The following IARS2 variants were observed in gnomAD, a reference collection of about 807,000 sequenced individuals.
IARS2 encodes isoleucyl-tRNA synthetase 2, mitochondrial.
In IARS2, 56 loss-of-function variants were observed where a neutral mutation model predicts 126.3. The observed-to-expected ratio is 0.44, with a 90% confidence interval of 0.36 to 0.55. IARS2 has a LOEUF of 0.55. IARS2 is among the 20% of genes least tolerant of loss of function. The pLI, the probability that IARS2 is intolerant of heterozygous loss-of-function variation, is 0.00. For synonymous variants in IARS2, 407 were observed against 441.1 expected, an observed-to-expected ratio of 0.92 and a Z score of 0.97; for missense variants, 1,127 against 1,245.9, an observed-to-expected ratio of 0.90 and a Z score of 1.44.
intron 20 of IARS2, 61 bp downstream of exon 20, chr1:220,142,009 A>G: frequency 2.0e-6 from 3 of 1,493,770 alleles, no homozygotes; most frequent in Non-Finnish European, 2.8e-6. Flanking sequence ...TGCAACTTCT[A>G]CTTCTATCTG....
intron 21 of IARS2, chr1:220,144,243 CA>C: frequency 1.3e-6 from 1 of 767,750 alleles, no homozygotes; most frequent in South Asian, 1.3e-5. Flanking sequence ...CGGTGAGAAA[CA>C]GGATGATGAC....
intron 12 of IARS2, among the ~76,000 whole-genome samples, chr1:220,123,594 C>T (rs1170586718): frequency 2.0e-5 from 3 of 152,194 alleles, no homozygotes; most frequent in Non-Finnish European, 1.5e-5. Flanking sequence ...CTGCCTCAGC[C>T]TCCCAGGTAG....
intron 12 of IARS2, among the ~76,000 whole-genome samples, chr1:220,115,177 A>AT (rs1207629610): frequency 1.3e-5 from 2 of 152,058 alleles, no homozygotes; most frequent in South Asian, 2.1e-4. Flanking sequence ...CTGTGCCTAG[A>AT]TTTTTTTCAC....
intron 21 of IARS2, chr1:220,144,399 T>G: frequency 1.8e-6 from 1 of 569,150 alleles, no homozygotes; most frequent in East Asian, 2.8e-5. Context: ...AAAAGTTTTA[T>G]TAGTGTCAGT....
Position 220,096,092 on chromosome 1 carries a change from TTTTTA to T in IARS2, c.268-11_268-7del. On this transcript the variant is annotated splice_region_variant and splice_polypyrimidine_tract_variant and intron_variant, in intron 1 of 22. Transcript: ENST00000366922. ...ATATGATGTTTAGATATCTTTTTTT[TTTTTA>T]AAACAGAAATGTGGATTTTCAGAAC... is the stretch of plus-strand genomic sequence containing the variant. The T allele has an allele frequency of 2.2e-6, 3 of 1,387,164 alleles. No individual in the cohort carries two copies. Among genetic ancestry groups the T allele is most frequent in the Non-Finnish European group, 3.0e-6 (3 of 994,360 alleles). 85.9% of individuals were successfully genotyped at this position (1,387,164 alleles called of 1,614,324 possible).
intron 15 of IARS2, among the ~76,000 whole-genome samples, chr1:220,135,302 A>G (rs1201150919): frequency 2.6e-5 from 4 of 152,204 alleles, no homozygotes; most frequent in African/African-American, 4.8e-5. Flanking sequence ...AAGATTCCTA[A>G]ATAGCTTAGC....
intron 10 of IARS2, 151 bp from the exon 11 acceptor site, chr1:220,110,635 A>T (rs1656780912): frequency 3.2e-6 from 2 of 626,200 alleles, no homozygotes; most frequent in East Asian, 5.5e-5. Flanking sequence ...AAGTGCTGGG[A>T]TTACAGGTGT....
Position 220,094,197 on chromosome 1 carries a change from C to T in IARS2, c.-20C>T. Reference sequence around the variant, plus strand: ...GCTGGGGCGGGAGCGGAGGACCCCGCTCTCAGGGGTTGCCGGACCATGCGT... The same window carrying T: ...GCTGGGGCGGGAGCGGAGGACCCCGTTCTCAGGGGTTGCCGGACCATGCGT... On this transcript the variant is annotated 5_prime_UTR_variant, in exon 1 of 23. Coordinates refer to ENST00000366922, the MANE Select transcript of IARS2 (RefSeq NM_018060.4). The T allele has an allele frequency of 3.2e-6, 5 of 1,539,242 alleles. No homozygotes were observed. Among genetic ancestry groups the T allele is most frequent in the South Asian group, 1.2e-5 (1 of 80,114 alleles).
intron 22 of IARS2, among the ~76,000 whole-genome samples, chr1:220,147,082 T>A (rs1258624890): frequency 1.3e-5 from 2 of 152,238 alleles, no homozygotes; most frequent in Non-Finnish European, 2.9e-5. Context: ...TGGTTCCTTT[T>A]GTCCCACGAG....
rs770464072 is a variant in IARS2 at position 220,094,238 on chromosome 1, C to T, written c.22C>T (p.Arg8Cys). MRWGLRP[R>C]GPGAAALATA... ...GACCATGCGTTGGGGGCTGCGCCCTCGCGGGCCGGGCGCGGCCGCCCTGGC... is the reference window on the plus strand; with the variant it reads ...GACCATGCGTTGGGGGCTGCGCCCTTGCGGGCCGGGCGCGGCCGCCCTGGC... The change falls in exon 1 of 23, where the codon CGC becomes TGC. Residue 8 changes from arginine (R) to cysteine (C), a missense_variant. Transcript: ENST00000366922. 1 of 1,594,040 alleles carries T rather than the reference C, an allele frequency of 6.3e-7. No individual in the cohort carries two copies. Among genetic ancestry groups the T allele is most frequent in the African/African-American group, 1.4e-5 (1 of 73,956 alleles).
chr1:220,107,946 T>TCA (rs2102821231), intron 10 of IARS2, among the ~76,000 whole-genome samples: 1 of 152,344 alleles, frequency 6.6e-6, no homozygotes, highest in Non-Finnish European at 1.5e-5. Context: ...TCACTCAGGT[T>TCA]GATGTGCAGT....
chr1:220,145,062 G>A (rs1657559850), intron 21 of IARS2, among the ~76,000 whole-genome samples: 3 of 148,722 alleles, frequency 2.0e-5, no homozygotes, highest in African/African-American at 7.5e-5. Context: ...TAGTATTTTA[G>A]CCCCTCACCC....
intron 15 of IARS2, among the ~76,000 whole-genome samples, chr1:220,136,116 G>A (rs1301908591): frequency 6.6e-6 from 1 of 152,078 alleles, no homozygotes; most frequent in Non-Finnish European, 1.5e-5. Context: ...TTTGACTATT[G>A]TGATACATGA....
rs768531507 is a variant in IARS2, at chr1:220,094,195, C to A, written c.-22C>A. 4 of 1,533,096 alleles carry A rather than the reference C, an allele frequency of 2.6e-6. No homozygotes were observed. Among genetic ancestry groups the A allele is most frequent in the African/African-American group, 1.4e-5 (1 of 71,442 alleles). The allele number at this position is 1,533,096 out of a possible 1,614,324, so 95.0% of individuals were successfully genotyped here. A position where few individuals can be genotyped will look rare whatever the true frequency, so the allele number is the denominator to read the frequency against. ...AAGCTGGGGCGGGAGCGGAGGACCC[C>A]GCTCTCAGGGGTTGCCGGACCATGC... On this transcript the variant is annotated 5_prime_UTR_variant, in exon 1 of 23. Transcript: ENST00000366922.
chr1:220,137,673 G>C (rs759246936), intron 16 of IARS2: 9 of 400,316 alleles, frequency 2.2e-5, no homozygotes, highest in Non-Finnish European at 3.7e-5. Context: ...CATGACCAGG[G>C]AAGAGATTAG....
At position 220,147,818 on chromosome 1, in the gene IARS2, T is replaced by C; in HGVS notation, c.*183T>C. The C allele has an allele frequency of 3.3e-6, 2 of 603,940 alleles. No individual in the cohort carries two copies. Among genetic ancestry groups the C allele is most frequent in the Non-Finnish European group, 2.9e-6 (1 of 345,250 alleles). The allele number at this position is 603,940 out of a possible 1,614,324, so 37.4% of individuals were successfully genotyped here. ...TTTCCTGTAACTATAGAAAGAATTATGTATATATACATGCAGAAATATATA... is the reference window on the plus strand; with the variant it reads ...TTTCCTGTAACTATAGAAAGAATTACGTATATATACATGCAGAAATATATA... On this transcript the variant is annotated 3_prime_UTR_variant, in exon 23 of 23. Transcript: ENST00000366922.
chr1:220,115,826 T>C (rs1380039615), intron 12 of IARS2, among the ~76,000 whole-genome samples: 1 of 152,116 alleles, frequency 6.6e-6, no homozygotes, highest in Non-Finnish European at 1.5e-5. Context: ...GGAAAAGCAA[T>C]GGTTGCAGGT....
intron 12 of IARS2, chr1:220,117,948 C>T (rs1343928472): frequency 2.0e-6 from 1 of 507,570 alleles, no homozygotes; most frequent in East Asian, 5.5e-5. Context: ...TTCCTGTATA[C>T]CATTTCTGAA....
intron 2 of IARS2, 94 bp from the exon 3 acceptor site, chr1:220,100,396 T>C: frequency 9.5e-7 from 1 of 1,053,472 alleles, no homozygotes; most frequent in Non-Finnish European, 1.4e-6. Flanking sequence ...ATATTTTATG[T>C]ATGAATGCTA....
Sources: gnomAD v4.1 joint callset for allele counts (sites outside exome capture counted in the v4.1 genomes callset) on GRCh38, gnomAD v4.1.1 for gene constraint, MANE v1.5 for transcripts, NCBI Gene and HGNC (gene_info 2026-07-23, HGNC 2026-07-21) for gene names.